EPHB2: variants seen among roughly 807,000 people sequenced by gnomAD.
The protein encoded by EPHB2 is EPH receptor B2, also known as ephrin type-B receptor 2.
EPHB2 carries 18 observed loss-of-function variants against 96.4 expected under a neutral mutation model. The ratio of observed to expected loss-of-function variants is 0.19; its 90% CI spans 0.13 to 0.28. EPHB2 has a LOEUF of 0.28. Ranked by LOEUF, EPHB2 falls within the 10% of genes least tolerant of loss-of-function variation. The pLI is 1.00. For missense variants in EPHB2, 989 were observed against 1,355.4 expected (o/e 0.73, Z 4.25); for synonymous variants, 506 against 534.1 (o/e 0.95, Z 0.72).
chr1:22,713,256 G>C (rs981283335), intron 1 of EPHB2, among the ~76,000 whole-genome samples: 9 of 152,134 alleles, frequency 5.9e-5, no homozygotes. Context: ...ATAAGGAGCT[G>C]GCCGAATGGA....
chr1:22,757,948 T>C, intron 1 of EPHB2, among the ~76,000 whole-genome samples: 1 of 134,472 alleles, frequency 7.4e-6, no homozygotes. Flanking sequence ...AGACGGAGTC[T>C]CGCTCTGTTG....
chr1:22,822,071 A>G lies in EPHB2; in HGVS notation c.811+36995A>G, dbSNP rs533979101. Among the ~76,000 whole-genome samples, 8 of 152,356 alleles carry G rather than the reference A, an allele frequency of 5.3e-5. 1 individual carries two copies. Among genetic ancestry groups the G allele is most frequent in the African/African-American group, 1.9e-4 (8 of 41,582 alleles). On this transcript the variant is annotated intron_variant, in intron 3 of 15. Coordinates refer to ENST00000374630, the MANE Select transcript of EPHB2 (RefSeq NM_017449.5). ...CCAATTACAGTGCTACAATAAATGT[A>G]AGTAAGTATCTCCTTATTGCTAGAC...
At chr1:22,796,823 T>C (rs1644773071) in intron 3 of EPHB2, among the ~76,000 whole-genome samples, 1 of 152,230 alleles carries the variant, frequency 6.6e-6, no homozygotes, top group African/African-American at 2.4e-5. Flanking sequence ...GTGAACACTC[T>C]GCTGAATCCT....
At chr1:22,785,224 C>T (rs953943673) in intron 3 of EPHB2, 148 bp downstream of exon 3, 54 of 1,007,356 alleles carry the variant, frequency 5.4e-5, no homozygotes, top group South Asian at 1.7e-4. Context: ...CAGCAACCAT[C>T]GTTCAGCTTC....
Position 22,784,434 on chromosome 1 carries a change from C to T in EPHB2, c.169C>T (p.Arg57Cys), listed in dbSNP as rs773210880. The stretch of plus-strand genomic sequence containing the variant: ...CTACGATGAGAACATGAACACGATC[C>T]GCACGTACCAGGTGTGCAACGTGTT... ...SGYDENMNTI[R>C]TYQVCNVFES... is the part of the protein sequence containing the mutation. The change falls in exon 3 of 16, where the codon CGC becomes TGC. Residue 57 changes from arginine to cysteine, a missense_variant. Transcript: ENST00000374630. This position sits in a 1 kb window ranked among gnomAD's most constrained non-coding sequence, Gnocchi z 5.1. 1.9e-6 allele frequency: 3 copies of T among 1,614,210 alleles called. No individual in the cohort carries two copies. Among genetic ancestry groups the T allele is most frequent in the East Asian group, 2.2e-5 (1 of 44,880 alleles).
chr1:22,916,239 T>G lies in EPHB2; in HGVS notation c.*2669T>G, dbSNP rs1640264813. ...TCTCCCCAGCCCACCCCCCAACTGTTCTGGGGCCCCACATGGGGCTGGCAG... is the reference window on the plus strand; with the variant it reads ...TCTCCCCAGCCCACCCCCCAACTGTGCTGGGGCCCCACATGGGGCTGGCAG... On this transcript the variant is annotated 3_prime_UTR_variant, in exon 16 of 16. Transcript: ENST00000374630. This position sits in a 1 kb window ranked among gnomAD's most constrained non-coding sequence, Gnocchi z 4.2. The G allele has an allele frequency of 1.3e-5, 2 of 152,340 alleles. No homozygotes were observed. The highest frequency in any genetic ancestry group is 4.1e-4 in the South Asian group (2 of 4,826). The allele number at this position is 152,340 out of a possible 1,614,324, so 9.4% of individuals were successfully genotyped here.
chr1:22,762,883 C>T (rs1644254452), intron 1 of EPHB2, among the ~76,000 whole-genome samples: 1 of 152,136 alleles, frequency 6.6e-6, no homozygotes, highest in African/African-American at 2.4e-5. Context: ...TAGCATTCAC[C>T]CAGGAGTGCT....
chr1:22,900,065 G>A lies in EPHB2; in HGVS notation c.1765+3587G>A, dbSNP rs188810525. 1.6e-4 allele frequency among the ~76,000 whole-genome samples: 24 copies of A among 152,022 alleles called. No individual in the cohort carries two copies. The East Asian group carries it at 4.1e-3, about 26-fold the overall frequency. ...TCCCAGCACTTTAGGAGGCCAAGGCGGGTGGATTACCTGAGGTCAGGAATT... is the reference window on the plus strand; with the variant it reads ...TCCCAGCACTTTAGGAGGCCAAGGCAGGTGGATTACCTGAGGTCAGGAATT... On this transcript the variant is annotated intron_variant, in intron 9 of 15. Coordinates refer to ENST00000374630, the MANE Select transcript of EPHB2 (RefSeq NM_017449.5).
At chr1:22,901,004 A>C (rs1639731105) in intron 9 of EPHB2, among the ~76,000 whole-genome samples, 1 of 152,164 alleles carries the variant, frequency 6.6e-6, no homozygotes, top group African/African-American at 2.4e-5. Context: ...TTTCATCCCT[A>C]TTCTGCCACT....
intron 3 of EPHB2, among the ~76,000 whole-genome samples, chr1:22,787,344 G>A (rs968061832): frequency 6.6e-6 from 1 of 152,212 alleles, no homozygotes; most frequent in African/African-American, 2.4e-5. Context: ...GCCCATTAGG[G>A]AGGCAGTTTT....
At chr1:22,723,568 T>G (rs990036353) in intron 1 of EPHB2, among the ~76,000 whole-genome samples, 25 of 152,168 alleles carry the variant, frequency 1.6e-4, no homozygotes, top group African/African-American at 5.8e-4. Flanking sequence ...GTTGAAAGGG[T>G]GATGAGGCTG....
At chr1:22,735,808 G>A (rs1643814316) in intron 1 of EPHB2, among the ~76,000 whole-genome samples, 1 of 152,334 alleles carries the variant, frequency 6.6e-6, no homozygotes, top group Middle Eastern at 3.4e-3. Flanking sequence ...GCCCTTGGCA[G>A]TGAGTCGGCC....
chr1:22,846,084 A>G lies in EPHB2; in HGVS notation c.812-16953A>G, dbSNP rs1016244050. Among the ~76,000 whole-genome samples the G allele has an allele frequency of 2.6e-5, 4 of 152,176 alleles. No homozygotes were observed. The highest frequency in any genetic ancestry group is 9.7e-5 in the African/African-American group (4 of 41,430). Reference sequence around the variant, plus strand: ...CCCTGCAGAGGAGCCCAGGATGCCCAGGTACCTGCTCTGCTGCAAAGGACT... The same window carrying G: ...CCCTGCAGAGGAGCCCAGGATGCCCGGGTACCTGCTCTGCTGCAAAGGACT... On this transcript the variant is annotated intron_variant, in intron 3 of 15. Coordinates refer to ENST00000374630, the MANE Select transcript of EPHB2 (RefSeq NM_017449.5). This position sits in a 1 kb window ranked among gnomAD's most constrained non-coding sequence, Gnocchi z 4.3.
Position 22,788,760 on chromosome 1 carries a change from T to G in EPHB2, c.811+3684T>G, listed in dbSNP as rs868297675. Among the ~76,000 whole-genome samples the G allele has an allele frequency of 1.7e-3, 260 of 149,886 alleles. 1 individual carries two copies. Among genetic ancestry groups the G allele is most frequent in the Middle Eastern group, 6.8e-3 (2 of 292 alleles). ...TTTTTGTCTTTTGTTTTTGTTTTTT[T>G]TTTTTTTTTTTTGTGACAGGGTCTC... On this transcript the variant is annotated intron_variant, in intron 3 of 15. Coordinates refer to ENST00000374630, the MANE Select transcript of EPHB2 (RefSeq NM_017449.5).
At chr1:22,729,772 C>T (rs887180900) in intron 1 of EPHB2, among the ~76,000 whole-genome samples, 6 of 152,216 alleles carry the variant, frequency 3.9e-5, no homozygotes, top group African/African-American at 1.4e-4. Flanking sequence ...CTTTGAACAT[C>T]TCTACCTCTC....
intron 5 of EPHB2, among the ~76,000 whole-genome samples, chr1:22,865,794 C>T (rs1638453157): frequency 6.6e-6 from 1 of 152,218 alleles, no homozygotes; most frequent in Non-Finnish European, 1.5e-5. Context: ...GATGTCATCT[C>T]TTGCAGCCTA....
chr1:22,911,143 A>AAAAAAAAAAAATAAAT (rs368231548), intron 14 of EPHB2, among the ~76,000 whole-genome samples: 9 of 133,778 alleles, frequency 6.7e-5, no homozygotes, highest in African/African-American at 2.3e-4. Flanking sequence ...TCCATCTAAA[A>AAAAAAAAAAAATAAAT]AAATAAATAA....
chr1:22,866,122 C>A (rs1231513203), intron 5 of EPHB2, among the ~76,000 whole-genome samples: 1 of 152,176 alleles, frequency 6.6e-6, no homozygotes, highest in South Asian at 2.1e-4. Flanking sequence ...CTGAGGGCCA[C>A]ATGAGATTAT....
intron 3 of EPHB2, among the ~76,000 whole-genome samples, chr1:22,839,423 A>G (rs1292091195): frequency 1.3e-5 from 2 of 152,208 alleles, no homozygotes; most frequent in African/African-American, 4.8e-5. Flanking sequence ...TCCACCAAAG[A>G]TGAGTAAGGC....
Sources: gnomAD v4.1 joint callset for allele counts (sites outside exome capture counted in the v4.1 genomes callset) on GRCh38, gnomAD v4.1.1 for gene constraint, Gnocchi (gnomAD v3.1) non-coding constraint, MANE v1.5 for transcripts, NCBI Gene and HGNC (gene_info 2026-07-23, HGNC 2026-07-21) for gene names.